IMPACT: variants seen among roughly 807,000 people sequenced by gnomAD.
The protein encoded by IMPACT is impact RWD domain protein.
Under a neutral mutation model 47.5 loss-of-function variants are expected in IMPACT, and 35 were observed. That is an observed-to-expected ratio of 0.74 (90% CI 0.56 to 0.98). IMPACT has a LOEUF of 0.98. Ranked by LOEUF, IMPACT falls within the 50% of genes least tolerant of loss-of-function variation. The probability of loss-of-function intolerance (pLI) is 0.00; values close to 1 mark genes in which losing one functional copy is unlikely to be tolerated. For missense variants in IMPACT, 373 were observed against 394.8 expected, an observed-to-expected ratio of 0.94 and a Z score of 0.47; for synonymous variants, 118 against 125.6, an observed-to-expected ratio of 0.94 and a Z score of 0.40.
chr18:24,445,322 G>A, intron 7 of IMPACT, 71 bp from the exon 8 acceptor site: 2 of 904,888 alleles, frequency 2.2e-6, no homozygotes, highest in Non-Finnish European at 1.8e-6. Context: ...ATGCTTCAAG[G>A]TATTTTTCTA....
At chr18:24,447,339 TGGTAG>T (rs1303290758) in intron 8 of IMPACT, among the ~76,000 whole-genome samples, 1 of 152,174 alleles carries the variant, frequency 6.6e-6, no homozygotes, top group Non-Finnish European at 1.5e-5. Context: ...ATGATACCAT[TGGTAG>T]GGCCCTAAGA....
intron 6 of IMPACT, 130 bp from the exon 7 acceptor site, chr18:24,442,919 G>T: frequency 2.1e-6 from 1 of 478,428 alleles, no homozygotes; most frequent in Non-Finnish European, 3.7e-6. Flanking sequence ...TTGGTAGATA[G>T]CGATTAATGG....
intron 7 of IMPACT, among the ~76,000 whole-genome samples, chr18:24,443,611 C>T (rs776119294): frequency 6.6e-6 from 1 of 152,182 alleles, no homozygotes; most frequent in Non-Finnish European, 1.5e-5. Context: ...AATTATTTGT[C>T]CTGTCGAATG....
At chr18:24,430,689 A>G (rs992345994) in intron 4 of IMPACT, among the ~76,000 whole-genome samples, 12 of 152,202 alleles carry the variant, frequency 7.9e-5, no homozygotes, top group Non-Finnish European at 1.8e-4. Flanking sequence ...GCTTGAACCC[A>G]GGAGTTTGAG....
intron 4 of IMPACT, among the ~76,000 whole-genome samples, chr18:24,435,892 T>C (rs913296601): frequency 1.3e-5 from 2 of 152,144 alleles, no homozygotes; most frequent in African/African-American, 2.4e-5. Context: ...TCTTTGATGC[T>C]GTGTTTCAAA....
At chr18:24,438,711 C>T (rs1191602905) in intron 5 of IMPACT, among the ~76,000 whole-genome samples, 1 of 152,124 alleles carries the variant, frequency 6.6e-6, no homozygotes. Flanking sequence ...AAGTGATCCT[C>T]CTGCCTTGAT....
At position 24,433,290 on chromosome 18, in the gene IMPACT, C is replaced by T. The variant is rs1373090726; in HGVS notation, c.281+2906C>T. On this transcript the variant is annotated intron_variant, in intron 4 of 10. Coordinates refer to ENST00000284202, the MANE Select transcript of IMPACT (RefSeq NM_018439.4). ...TCTCGGCTCACTGCAAGCTCTGCCTCCCGGGTTCACGCCATTCTCCTGCCT... is the reference window on the plus strand; with the variant it reads ...TCTCGGCTCACTGCAAGCTCTGCCTTCCGGGTTCACGCCATTCTCCTGCCT... 7.1e-4 allele frequency among the ~76,000 whole-genome samples: 103 copies of T among 145,328 alleles called. 1 individual carries two copies. Among genetic ancestry groups the T allele is most frequent in the African/African-American group, 2.5e-3 (98 of 39,792 alleles).
At chr18:24,431,933 C>A (rs902586172) in intron 4 of IMPACT, among the ~76,000 whole-genome samples, 3 of 152,164 alleles carry the variant, frequency 2.0e-5, no homozygotes, top group African/African-American at 7.2e-5. Context: ...AACTCCTGAC[C>A]TTAAATGATC....
intron 8 of IMPACT, among the ~76,000 whole-genome samples, chr18:24,445,708 A>AT (rs982437873): frequency 5.3e-5 from 8 of 152,282 alleles, no homozygotes; most frequent in African/African-American, 1.9e-4. Flanking sequence ...GCAAAGTTTA[A>AT]TTTTTCCCAA....
At chr18:24,448,449 G>A (rs4800185) in intron 9 of IMPACT, among the ~76,000 whole-genome samples, 86,206 of 151,820 alleles carry the variant, frequency 0.57, 26,151 homozygotes, top group South Asian at 0.7. Flanking sequence ...AAAACACTTT[G>A]TTTTTTTGAC....
At position 24,443,103 on chromosome 18, in the gene IMPACT, G is replaced by A. The variant is rs370501606; in HGVS notation, c.545G>A (p.Arg182Gln). 2.7e-5 allele frequency: 43 copies of A among 1,608,112 alleles called. 1 individual carries two copies. Among genetic ancestry groups the A allele is most frequent in the East Asian group, 1.1e-4 (5 of 44,582 alleles). Residue 182 changes from arginine (R) to glutamine (Q), a missense_variant, in exon 7 of 11, where the codon CGA (arginine) becomes CAA (glutamine). Arg to Gln is a conservative substitution (Grantham distance 43). Transcript: ENST00000284202. ...PIDHGIPITD[R>Q]RSTFQAHLAP... ...GATCATGGCATTCCTATTACAGACCGAAGAAGTACTTTTCAGGCACACTTG... is the reference window on the plus strand; with the variant it reads ...GATCATGGCATTCCTATTACAGACCAAAGAAGTACTTTTCAGGCACACTTG...
chr18:24,433,170 TCTTA>T (rs1177874248), intron 4 of IMPACT, among the ~76,000 whole-genome samples: 5 of 148,046 alleles, frequency 3.4e-5, no homozygotes, highest in African/African-American at 7.4e-5. Flanking sequence ...GAAATACACA[TCTTA>T]CTTTTAAAAC....
At chr18:24,436,894 A>C (rs1908961638) in intron 4 of IMPACT, among the ~76,000 whole-genome samples, 1 of 152,194 alleles carries the variant, frequency 6.6e-6, no homozygotes, top group South Asian at 2.1e-4. Context: ...ATTGAAAATT[A>C]GGTGACAGAA....
At position 24,453,446 on chromosome 18, in the gene IMPACT, A is replaced by G. The variant is rs1427365095; in HGVS notation, c.*2599A>G. 3.3e-5 allele frequency: 5 copies of G among 152,152 alleles called. No individual in the cohort carries two copies. Among genetic ancestry groups the G allele is most frequent in the Non-Finnish European group, 7.3e-5 (5 of 68,030 alleles). 9.4% of individuals were successfully genotyped at this position (152,152 alleles called of 1,614,324 possible). On this transcript the variant is annotated 3_prime_UTR_variant, in exon 11 of 11. Coordinates refer to ENST00000284202, the MANE Select transcript of IMPACT (RefSeq NM_018439.4). Reference sequence around the variant, plus strand: ...TTCCATAAAAATGGTATTAAACTGTATATACTGTTTTGTAGCCTACATATT... The same window carrying G: ...TTCCATAAAAATGGTATTAAACTGTGTATACTGTTTTGTAGCCTACATATT...
At chr18:24,437,096 G>T (rs979911609) in intron 4 of IMPACT, among the ~76,000 whole-genome samples, 3 of 152,142 alleles carry the variant, frequency 2.0e-5, no homozygotes, top group African/African-American at 7.2e-5. Context: ...GAAAGTTTTG[G>T]TGGGTGCTGA....
Position 24,449,941 on chromosome 18 carries a change from C to T in IMPACT, c.882C>T (p.Tyr294=), listed in dbSNP as rs1416943804. The change falls in exon 10 of 11, where the codon TAC becomes TAT. Residue 294 remains tyrosine (Y), a synonymous_variant. Transcript: ENST00000284202. ...CARNILVEKN[Y]TNSPEESSKA... The stretch of plus-strand genomic sequence containing the variant: ...GAAACATACTAGTGGAAAAGAACTA[C>T]ACAAATTCACCTGTAAGTGGCTCTT... 1 of 1,613,986 alleles carries T rather than the reference C, an allele frequency of 6.2e-7. No individual in the cohort carries two copies. The highest frequency in any genetic ancestry group is 8.5e-7 in the Non-Finnish European group (1 of 1,179,896).
In IMPACT at chr18:24,434,870, GTGTA is replaced by G. The variant is rs1216571470; in HGVS notation, c.282-3083_282-3080del. ...TGTGTATATATATGTGTATATATAT[GTGTA>G]TATATATGTGTATATATATGTGTAT... On this transcript the variant is annotated intron_variant, in intron 4 of 10. Transcript: ENST00000284202. Among the ~76,000 whole-genome samples, 104 of 122,264 alleles carry G rather than the reference GTGTA, an allele frequency of 8.5e-4. 2 individuals carry two copies. The highest frequency in any genetic ancestry group is 3.4e-3 in the African/African-American group (97 of 28,520). 80.2% of individuals were successfully genotyped at this position (122,264 alleles called of 152,430 possible).
At chr18:24,440,131 A>G (rs916014718) in intron 5 of IMPACT, among the ~76,000 whole-genome samples, 1 of 151,748 alleles carries the variant, frequency 6.6e-6, no homozygotes, top group Non-Finnish European at 1.5e-5. Context: ...TTTATTATTT[A>G]TATCAGTATG....
At position 24,452,678 on chromosome 18, in the gene IMPACT, T is replaced by A. The variant is rs906927656; in HGVS notation, c.*1831T>A. Reference sequence around the variant, plus strand: ...TACTCTTAATGGAAACTTGAACTAATGATAGATAGTATTTTTTTCCTCTAT... The same window carrying A: ...TACTCTTAATGGAAACTTGAACTAAAGATAGATAGTATTTTTTTCCTCTAT... On this transcript the variant is annotated 3_prime_UTR_variant, in exon 11 of 11. Coordinates refer to ENST00000284202, the MANE Select transcript of IMPACT (RefSeq NM_018439.4). The A allele has an allele frequency of 1.3e-5, 2 of 152,204 alleles. No homozygotes were observed. The highest frequency in any genetic ancestry group is 4.8e-5 in the African/African-American group (2 of 41,456). The allele number at this position is 152,204 out of a possible 1,614,324, so 9.4% of individuals were successfully genotyped here.
Sources: allele counts gnomAD v4.1 joint callset (sites outside exome capture counted in the v4.1 genomes callset), GRCh38; gene constraint gnomAD v4.1.1; transcripts MANE v1.5; gene names NCBI Gene and HGNC (gene_info 2026-07-23, HGNC 2026-07-21).